Variants in ACVR2A observed in about 807,000 individuals in gnomAD.
ACVR2A encodes the protein activin receptor type-2A.
In ACVR2A, 7 loss-of-function variants were observed where a neutral mutation model predicts 61.4. That is an observed-to-expected ratio of 0.11 (90% CI 0.06 to 0.21). ACVR2A has a LOEUF of 0.21. Among genes scored for constraint, ACVR2A ranks in the 10% least tolerant of loss-of-function variants. The probability of loss-of-function intolerance (pLI) is 1.00; values close to 1 mark genes in which losing one functional copy is unlikely to be tolerated. For missense variants in ACVR2A, 322 were observed against 621.7 expected (o/e 0.52, Z 5.13); for synonymous variants, 193 against 208.3 (o/e 0.93, Z 0.63).
chr2:147,847,011 A>G (rs1685328840), intron 1 of ACVR2A, among the ~76,000 whole-genome samples: 1 of 152,042 alleles, frequency 6.6e-6, no homozygotes, highest in Non-Finnish European at 1.5e-5. Context: ...CAGATCTTAC[A>G]GCTTCTTCTG....
At chr2:147,892,981 C>T (rs1315274413) in intron 1 of ACVR2A, among the ~76,000 whole-genome samples, 3 of 152,118 alleles carry the variant, frequency 2.0e-5, no homozygotes, top group South Asian at 4.1e-4. Flanking sequence ...ATGAACCATA[C>T]ATATTATACA....
chr2:147,915,929 G>T (rs188882724), intron 5 of ACVR2A, among the ~76,000 whole-genome samples: 2 of 151,864 alleles, frequency 1.3e-5, no homozygotes, highest in Admixed American at 1.3e-4. Context: ...TGTTCCGTTG[G>T]TGGTATAGAT....
chr2:147,882,866 G>A (rs1360482263), intron 1 of ACVR2A, among the ~76,000 whole-genome samples: 2 of 151,942 alleles, frequency 1.3e-5, no homozygotes, highest in African/African-American at 4.8e-5. Context: ...TTTTCCTTTA[G>A]AAGTGATTGT....
At position 147,911,346 on chromosome 2, in the gene ACVR2A, T is replaced by C. The variant is rs376991635; in HGVS notation, c.529-3845T>C. Among the ~76,000 whole-genome samples the C allele has an allele frequency of 3.9e-5, 6 of 152,280 alleles. No homozygotes were observed. In the East Asian group the frequency reaches 7.7e-4, roughly 20 times the overall value. ...CATATCTAAGGGGTTCTTTTTGATA[T>C]TACTTTCCTCTGTTTGTAAGGAAAG... On this transcript the variant is annotated intron_variant, in intron 4 of 10. Coordinates refer to ENST00000241416, the MANE Select transcript of ACVR2A (RefSeq NM_001616.5).
chr2:147,867,816 C>T (rs1257995471), intron 1 of ACVR2A, among the ~76,000 whole-genome samples: 2 of 152,134 alleles, frequency 1.3e-5, no homozygotes, highest in Non-Finnish European at 2.9e-5. Context: ...TTTCCAGCTT[C>T]ATTTCCTGCC....
intron 1 of ACVR2A, among the ~76,000 whole-genome samples, chr2:147,862,496 C>T (rs1685749417): frequency 6.6e-6 from 1 of 152,188 alleles, no homozygotes; most frequent in African/African-American, 2.4e-5. Context: ...GTAATCCCAG[C>T]ACTTTGGGAG....
At chr2:147,923,582 A>G (rs952411965) in intron 9 of ACVR2A, among the ~76,000 whole-genome samples, 1 of 152,046 alleles carries the variant, frequency 6.6e-6, no homozygotes, top group African/African-American at 2.4e-5. Context: ...TCCATGTTCA[A>G]GTCTTATAGA....
rs147176094 is a variant in ACVR2A, at chr2:147,875,140, T to G, written c.56-21161T>G. Among the ~76,000 whole-genome samples the G allele has an allele frequency of 8.5e-5, 13 of 152,056 alleles. No homozygotes were observed. In the East Asian group the frequency reaches 2.5e-3, roughly 29 times the overall value. The stretch of plus-strand genomic sequence containing the variant: ...TCTGTTTAAATTTAGAGGTTTAGAG[T>G]GTGTCAGTATTATAAATTTTTTTCT... On this transcript the variant is annotated intron_variant, in intron 1 of 10. Coordinates refer to ENST00000241416, the MANE Select transcript of ACVR2A (RefSeq NM_001616.5).
intron 8 of ACVR2A, among the ~76,000 whole-genome samples, 168 bp from the exon 9 acceptor site, chr2:147,922,805 G>A (rs1687415250): frequency 6.6e-6 from 1 of 152,046 alleles, no homozygotes; most frequent in Non-Finnish European, 1.5e-5. Flanking sequence ...AATGTCTGTT[G>A]ATATATTTTT....
At chr2:147,868,870 C>T (rs1047600015) in intron 1 of ACVR2A, among the ~76,000 whole-genome samples, 2 of 152,012 alleles carry the variant, frequency 1.3e-5, no homozygotes, top group African/African-American at 4.8e-5. Flanking sequence ...AGGGCTCAAG[C>T]AGTTCTCCTG....
chr2:147,881,602 AGTGTGTGTGTGTGTGTGT>A (rs145075375), intron 1 of ACVR2A, among the ~76,000 whole-genome samples: 1 of 81,444 alleles, frequency 1.2e-5, no homozygotes, highest in Non-Finnish European at 2.4e-5. Flanking sequence ...GAAGCTGCTT[AGTGTGTGTGTGTGTGTGT>A]GTGTGTGTGT....
intron 1 of ACVR2A, among the ~76,000 whole-genome samples, chr2:147,881,961 GAAAC>G (rs1208280959): frequency 6.6e-6 from 1 of 152,018 alleles, no homozygotes; most frequent in African/African-American, 2.4e-5. Context: ...AGTGAATTAA[GAAAC>G]AAACTATTAA....
In ACVR2A at chr2:147,918,453, C is replaced by A; in HGVS notation, c.823C>A (p.Leu275Ile). ...LITAFHEKGS[L>I]SDFLKANVVS... ...TTTTTCCCTCTTTTTTTAGGGTTCA[C>A]TATCAGACTTTCTTAAGGCTAATGT... The change falls in exon 7 of 11, where the codon CTA (leucine) becomes ATA (isoleucine). Residue 275 changes from leucine to isoleucine, a missense_variant. By Grantham distance (5) the Leu-to-Ile change is conservative. Around this residue, in one of 3 missense-constraint regions of ACVR2A, gnomAD observed 146 missense variants for 383.8 expected, o/e 0.38. Coordinates refer to ENST00000241416, the MANE Select transcript of ACVR2A (RefSeq NM_001616.5). The A allele has an allele frequency of 6.2e-7, 1 of 1,606,538 alleles. No individual in the cohort carries two copies. The highest frequency in any genetic ancestry group is 8.5e-7 in the Non-Finnish European group (1 of 1,177,006).
chr2:147,900,389 G>GT (rs2105195162), intron 4 of ACVR2A: 1 of 152,670 alleles, frequency 6.6e-6, no homozygotes, highest in South Asian at 2.1e-4. Flanking sequence ...CCATAAAGAT[G>GT]TTTTTGTAGG....
intron 1 of ACVR2A, among the ~76,000 whole-genome samples, chr2:147,891,972 G>T (rs898970646): frequency 7.9e-5 from 12 of 151,058 alleles, no homozygotes; most frequent in Non-Finnish European, 1.5e-4. Flanking sequence ...TGTTTTTTTT[G>T]TTTTGTTTTG....
At chr2:147,877,833 AG>A (rs996620245) in intron 1 of ACVR2A, among the ~76,000 whole-genome samples, 2 of 152,216 alleles carry the variant, frequency 1.3e-5, no homozygotes, top group African/African-American at 4.8e-5. Context: ...CTGTTTCTGT[AG>A]GGGGCTAGTC....
chr2:147,849,399 T>C (rs1685395029), intron 1 of ACVR2A, among the ~76,000 whole-genome samples: 1 of 152,098 alleles, frequency 6.6e-6, no homozygotes, highest in African/African-American at 2.4e-5. Context: ...AGAAATTCTG[T>C]TTTTTTAAAA....
In ACVR2A at chr2:147,851,490, C is replaced by T. The variant is rs1440170481; in HGVS notation, c.55+6283C>T. Reference sequence around the variant, plus strand: ...TCTCCTCAGCCTGAGTACTATATTCCATCCATACAGACTTGACTTGCAGTT... The same window carrying T: ...TCTCCTCAGCCTGAGTACTATATTCTATCCATACAGACTTGACTTGCAGTT... On this transcript the variant is annotated intron_variant, in intron 1 of 10. Transcript: ENST00000241416. Among the ~76,000 whole-genome samples, 3 of 152,114 alleles carry T rather than the reference C, an allele frequency of 2.0e-5. No individual in the cohort carries two copies. The East Asian group carries it at 5.8e-4, about 29-fold the overall frequency.
Position 147,920,317 on chromosome 2 carries a change from C to T in ACVR2A, c.1050C>T (p.Gly350=). Residue 350 remains glycine (G), a synonymous_variant, in exon 8 of 11, where the codon GGC becomes GGT. Transcript: ENST00000241416. Reference sequence around the variant, plus strand: ...GGTTGGCCTTAAAATTTGAGGCTGGCAAGTCTGCAGGCGATACCCATGGAC... The same window carrying T: ...GGTTGGCCTTAAAATTTGAGGCTGGTAAGTCTGCAGGCGATACCCATGGAC... ...DFGLALKFEA[G]KSAGDTHGQV... 6.2e-7 allele frequency: 1 copy of T among 1,613,352 alleles called. No homozygotes were observed. Among genetic ancestry groups the T allele is most frequent in the Non-Finnish European group, 8.5e-7 (1 of 1,179,472 alleles).
Sources: gnomAD v4.1 joint callset for allele counts (sites outside exome capture counted in the v4.1 genomes callset) on GRCh38, gnomAD v4.1.1 for gene constraint, gnomAD v4.1.1 regional missense constraint, MANE v1.5 for transcripts, NCBI Gene and HGNC (gene_info 2026-07-23, HGNC 2026-07-21) for gene names.